LPAR6: variants seen among roughly 807,000 people sequenced by gnomAD.
The protein encoded by LPAR6 is G-protein coupled purinergic receptor P2Y5.
LPAR6 carries 17 observed loss-of-function variants against 22.0 expected under a neutral mutation model. The observed-to-expected ratio is 0.77, with a 90% CI of 0.53 to 1.16. LPAR6 has a LOEUF of 1.16. Among genes scored for constraint, LPAR6 ranks in the 50% most tolerant of loss-of-function variants. LPAR6 has a pLI of 0.00. For missense variants in LPAR6, 384 were observed against 406.9 expected (o/e 0.94, Z 0.48); for synonymous variants, 136 against 139.8 (o/e 0.97, Z 0.19).
At chr13:48,413,354 T>C (rs138378224), upstream of LPAR6, among the ~76,000 whole-genome samples, 9 of 152,326 alleles carry the variant, frequency 5.9e-5, no homozygotes, top group East Asian at 1.3e-3. Flanking sequence ...CTCAGAGTTG[T>C]TTTGATTTGT....
exon 2 of LPAR6, chr13:48,389,681 A>G (rs1948597180): frequency 6.6e-6 from 1 of 152,166 alleles, no homozygotes; most frequent in African/African-American, 2.4e-5. Flanking sequence ...GCCTGGAGCT[A>G]TAGGGTCCAC....
At chr13:48,402,851 T>G (rs1948705518) in intron 1 of LPAR6, among the ~76,000 whole-genome samples, 1 of 152,200 alleles carries the variant, frequency 6.6e-6, no homozygotes, top group African/African-American at 2.4e-5. Flanking sequence ...CCAATAATTT[T>G]GGCCATTAGC....
intron 2 of LPAR6, among the ~76,000 whole-genome samples, chr13:48,421,287 A>G (rs1298150459): frequency 2.6e-5 from 4 of 152,106 alleles, no homozygotes; most frequent in Non-Finnish European, 5.9e-5. Flanking sequence ...CGTTTAATAA[A>G]TGGTGTTGGG....
At chr13:48,402,729 A>AT (rs138110596) in intron 1 of LPAR6, among the ~76,000 whole-genome samples, 2 of 151,896 alleles carry the variant, frequency 1.3e-5, no homozygotes, top group Non-Finnish European at 1.5e-5. Flanking sequence ...ATGCAGGTCC[A>AT]TTTTTTCCCC....
At chr13:48,409,530 A>G (rs936106981), downstream of LPAR6, among the ~76,000 whole-genome samples, 2 of 149,658 alleles carry the variant, frequency 1.3e-5, no homozygotes, top group Admixed American at 6.6e-5. Flanking sequence ...TTCCTTAAAT[A>G]GAAGGCATTC....
At chr13:48,430,435 G>A (rs1949117271), upstream of LPAR6, among the ~76,000 whole-genome samples, 3 of 152,078 alleles carry the variant, frequency 2.0e-5, no homozygotes, top group African/African-American at 7.2e-5. Context: ...AAAAAAATGA[G>A]CACGTTAGAA....
intron 2 of LPAR6, among the ~76,000 whole-genome samples, chr13:48,421,079 A>AGGTGCCC (rs1948998029): frequency 1.3e-5 from 2 of 152,246 alleles, no homozygotes; most frequent in African/African-American, 2.4e-5. Flanking sequence ...TAGCCAAGAC[A>AGGTGCCC]ATCCTAAGCA....
At chr13:48,433,336 C>G (rs1386705746) in intron 1 of LPAR6, among the ~76,000 whole-genome samples, 3 of 152,046 alleles carry the variant, frequency 2.0e-5, no homozygotes, top group Non-Finnish European at 4.4e-5. Context: ...AAATATACCA[C>G]TAACTCTAAA....
At chr13:48,408,554 C>G (rs568110220), downstream of LPAR6, 236 of 152,076 alleles carry the variant, frequency 1.6e-3, 1 homozygote, top group African/African-American at 5.6e-3. Flanking sequence ...CATCAGAGTT[C>G]TAATATTAAT....
rs759807882 is a variant in LPAR6 at position 48,412,279 on chromosome 13, G to A, written c.145C>T (p.Arg49Ter). ...IYIFICVLKV[R>*]NETTTYMINL... ...ATCATGTAAGTTGTAGTTTCATTTCGGACTTTGAGGACGCAGATGAAAATG... is the reference window on the plus strand; with the variant it reads ...ATCATGTAAGTTGTAGTTTCATTTCAGACTTTGAGGACGCAGATGAAAATG... Residue 49 changes from arginine to a stop codon, truncating the protein, a stop_gained, in exon 1 of 1, where the codon CGA becomes TGA. Coordinates refer to ENST00000620633, the MANE Select transcript of LPAR6 (RefSeq NM_001162498.3). LOFTEE classifies it high-confidence loss of function. The A allele has an allele frequency of 5.0e-6, 8 of 1,613,722 alleles. No homozygotes were observed. Among genetic ancestry groups the A allele is most frequent in the Admixed American group, 1.7e-5 (1 of 59,980 alleles).
intron 1 of LPAR6, among the ~76,000 whole-genome samples, chr13:48,395,055 G>A (rs1948637312): frequency 6.7e-6 from 1 of 150,102 alleles, no homozygotes; most frequent in Admixed American, 6.7e-5. Flanking sequence ...GAAGGAACAG[G>A]CAGCAATCTT....
chr13:48,412,699 A>C lies in LPAR6; in HGVS notation c.-276T>G. The C allele has an allele frequency of 6.2e-6, 3 of 484,860 alleles. No individual in the cohort carries two copies. The highest frequency in any genetic ancestry group is 1.2e-5 in the Non-Finnish European group (3 of 258,700). 30.0% of individuals were successfully genotyped at this position (484,860 alleles called of 1,614,324 possible). On this transcript the variant is annotated 5_prime_UTR_variant, in exon 1 of 1. Coordinates refer to ENST00000620633, the MANE Select transcript of LPAR6 (RefSeq NM_001162498.3). ...CCAAGGCTCAGTTAACTGACGAGCA[A>C]CCTTTAAAAAATACAGTCAACGAGT... is the stretch of plus-strand genomic sequence containing the variant.
intron 1 of LPAR6, among the ~76,000 whole-genome samples, chr13:48,405,412 C>A (rs938794254): frequency 2.0e-5 from 3 of 152,084 alleles, no homozygotes; most frequent in Non-Finnish European, 4.4e-5. Flanking sequence ...TTATTGAGAC[C>A]AATTATGTGC....
At chr13:48,423,436 G>C (rs188055062) in intron 1 of LPAR6, among the ~76,000 whole-genome samples, 2 of 152,190 alleles carry the variant, frequency 1.3e-5, no homozygotes, top group African/African-American at 2.4e-5. Context: ...AAGGATTTCT[G>C]ATTTTTGAAA....
chr13:48,392,518 G>A (rs1948618839), intron 1 of LPAR6, among the ~76,000 whole-genome samples: 1 of 151,690 alleles, frequency 6.6e-6, no homozygotes, highest in African/African-American at 2.4e-5. Context: ...TTTCTTCTGA[G>A]GTATCTAATC....
intron 1 of LPAR6, among the ~76,000 whole-genome samples, chr13:48,432,546 T>A (rs1489532030): frequency 6.6e-6 from 1 of 152,136 alleles, no homozygotes; most frequent in Non-Finnish European, 1.5e-5. Context: ...CACCCTGACT[T>A]GTCTCTTCTC....
rs201217722 is a variant in LPAR6, at chr13:48,412,119, C to T, written c.305G>A (p.Gly102Glu). 1.5e-5 allele frequency: 24 copies of T among 1,613,494 alleles called. No homozygotes were observed. Among genetic ancestry groups the T allele is most frequent in the Non-Finnish European group, 1.9e-5 (23 of 1,179,828 alleles). Residue 102 changes from glycine (G) to glutamate (E), a missense_variant, in exon 1 of 1, where the codon GGA becomes GAA. Gly to Glu is a moderately conservative substitution (Grantham distance 98). Transcript: ENST00000620633. ...SVMLFYTNMY[G>E]SILFLTCISV... Reference sequence around the variant, plus strand: ...AATACAGGTTAAGAACAGAATGCTTCCGTACATGTTGGTATAAAACAGCAT... The same window carrying T: ...AATACAGGTTAAGAACAGAATGCTTTCGTACATGTTGGTATAAAACAGCAT...
upstream of LPAR6, chr13:48,415,647 A>G (rs966333950): frequency 1.3e-5 from 2 of 152,112 alleles, no homozygotes; most frequent in Non-Finnish European, 2.9e-5. Context: ...TATTTGTTGA[A>G]TTAGGCTTTT....
upstream of LPAR6, among the ~76,000 whole-genome samples, chr13:48,414,042 T>C (rs763960120): frequency 2.8e-4 from 43 of 152,286 alleles, no homozygotes; most frequent in Non-Finnish European, 5.1e-4. Flanking sequence ...TATATGTTTA[T>C]ATTTAAAGTA....
Sources: gnomAD v4.1 joint callset for allele counts (sites outside exome capture counted in the v4.1 genomes callset) on GRCh38, gnomAD v4.1.1 for gene constraint, MANE v1.5 for transcripts, NCBI Gene and HGNC (gene_info 2026-07-23, HGNC 2026-07-21) for gene names.